EXOC6B: variants seen among roughly 807,000 people sequenced by gnomAD.
The protein encoded by EXOC6B is exocyst complex component 6B, also known as SEC15 homolog B.
In EXOC6B, 54 loss-of-function variants were observed where a neutral mutation model predicts 113.5. The observed-to-expected ratio is 0.48, with a 90% CI of 0.38 to 0.60. The LOEUF (loss-of-function observed/expected upper bound fraction) is 0.60. EXOC6B is among the 20% of genes least tolerant of loss of function. The probability of loss-of-function intolerance (pLI) is 0.00; values close to 1 mark genes in which losing one functional copy is unlikely to be tolerated. For missense variants in EXOC6B, 797 were observed against 977.5 expected, an observed-to-expected ratio of 0.82 and a Z score of 2.46; for synonymous variants, 357 against 339.0, an observed-to-expected ratio of 1.05 and a Z score of -0.58.
intron 6 of EXOC6B, among the ~76,000 whole-genome samples, chr2:72,657,225 C>CTTTTTT (rs70963135): frequency 1.7e-5 from 2 of 120,080 alleles, no homozygotes; most frequent in Non-Finnish European, 3.3e-5. Flanking sequence ...CCACAACTGT[C>CTTTTTT]TTTTTTTTTT....
intron 8 of EXOC6B, among the ~76,000 whole-genome samples, chr2:72,532,021 T>C (rs1038081346): frequency 6.6e-6 from 1 of 152,140 alleles, no homozygotes; most frequent in South Asian, 2.1e-4. Flanking sequence ...AAGAATGCCA[T>C]AGCAGCTTGA....
chr2:72,387,058 T>C (rs1692071727), intron 18 of EXOC6B, among the ~76,000 whole-genome samples: 1 of 152,196 alleles, frequency 6.6e-6, no homozygotes, highest in Non-Finnish European at 1.5e-5. Context: ...AAGACTAGCC[T>C]ACACTGCTGA....
rs200380728 is a variant in EXOC6B at position 72,379,904 on chromosome 2, G to A, written c.1981-34C>T. The A allele has an allele frequency of 2.5e-5, 39 of 1,545,290 alleles. No individual in the cohort carries two copies. In the East Asian group the frequency reaches 7.4e-4, roughly 29 times the overall value. On this transcript the variant is annotated intron_variant, in intron 18 of 21. Transcript: ENST00000272427. Reference sequence around the variant, plus strand: ...CAAGAGTGTAAATCATAAAGTTAATGCATCTAACATAAATTAAAATAAAAT... The same window carrying A: ...CAAGAGTGTAAATCATAAAGTTAATACATCTAACATAAATTAAAATAAAAT...
chr2:72,664,315 T>G (rs909400754), intron 6 of EXOC6B, among the ~76,000 whole-genome samples: 1 of 151,942 alleles, frequency 6.6e-6, no homozygotes, highest in African/African-American at 2.4e-5. Context: ...ATGAAGACAC[T>G]GAGGCTGAAG....
chr2:72,610,030 T>C (rs1430952562), intron 6 of EXOC6B, among the ~76,000 whole-genome samples: 7 of 152,110 alleles, frequency 4.6e-5, no homozygotes, highest in South Asian at 2.1e-4. Flanking sequence ...AAAATAAAGA[T>C]GGAATAAACA....
At chr2:72,543,870 T>A (rs1458358092) in intron 8 of EXOC6B, among the ~76,000 whole-genome samples, 1 of 152,166 alleles carries the variant, frequency 6.6e-6, no homozygotes, top group East Asian at 1.9e-4. Context: ...TCAGACAACC[T>A]GTTAAGTGTC....
At chr2:72,603,952 CT>C (rs1230367105) in intron 6 of EXOC6B, among the ~76,000 whole-genome samples, 1 of 151,948 alleles carries the variant, frequency 6.6e-6, no homozygotes, top group Non-Finnish European at 1.5e-5. Flanking sequence ...CCTTATGGCT[CT>C]TTTATTCCCC....
chr2:72,481,063 T>C (rs1331858231), intron 16 of EXOC6B, among the ~76,000 whole-genome samples: 1 of 152,202 alleles, frequency 6.6e-6, no homozygotes, highest in Non-Finnish European at 1.5e-5. Flanking sequence ...CTCGTGATAG[T>C]GAGTGAGTTC....
intron 6 of EXOC6B, among the ~76,000 whole-genome samples, chr2:72,642,897 T>A (rs1346691181): frequency 6.8e-6 from 1 of 147,342 alleles, no homozygotes; most frequent in Non-Finnish European, 1.5e-5. Flanking sequence ...GAATCTACAA[T>A]GAACTCAAAC....
chr2:72,432,545 G>A (rs1415395475), intron 18 of EXOC6B, among the ~76,000 whole-genome samples: 2 of 152,188 alleles, frequency 1.3e-5, no homozygotes, highest in Non-Finnish European at 1.5e-5. Context: ...CCCACCAGGA[G>A]TGTAAAAGCA....
chr2:72,297,766 G>A (rs1188915753), intron 20 of EXOC6B, among the ~76,000 whole-genome samples: 1 of 152,122 alleles, frequency 6.6e-6, no homozygotes, highest in East Asian at 1.9e-4. Context: ...AGTCATTCAG[G>A]AGCAGGTTGT....
At chr2:72,782,065 G>A (rs901508322) in intron 1 of EXOC6B, among the ~76,000 whole-genome samples, 8 of 150,982 alleles carry the variant, frequency 5.3e-5, no homozygotes, top group East Asian at 1.9e-4. Context: ...ACTTGAACCC[G>A]GGAAACAGAG....
At chr2:72,340,771 C>T (rs139727626) in intron 19 of EXOC6B, among the ~76,000 whole-genome samples, 10 of 152,098 alleles carry the variant, frequency 6.6e-5, no homozygotes, top group East Asian at 1.9e-4. Flanking sequence ...ATTAACATAA[C>T]GGTTTCCTGG....
At chr2:72,232,167 G>A (rs1681665941) in intron 20 of EXOC6B, among the ~76,000 whole-genome samples, 1 of 151,946 alleles carries the variant, frequency 6.6e-6, no homozygotes, top group Admixed American at 6.6e-5. Context: ...TAGAGATGGG[G>A]TTTCAATACG....
chr2:72,818,169 G>A (rs564130401), intron 1 of EXOC6B, among the ~76,000 whole-genome samples: 42 of 151,860 alleles, frequency 2.8e-4, no homozygotes, highest in Admixed American at 2.6e-3. Context: ...CTTTTGAGAC[G>A]AGTCTCGCAC....
intron 18 of EXOC6B, among the ~76,000 whole-genome samples, chr2:72,436,685 T>A (rs1390203375): frequency 1.3e-5 from 2 of 152,132 alleles, no homozygotes; most frequent in Admixed American, 1.3e-4. Context: ...TCCTGCTTGA[T>A]CAATTCGGCT....
At chr2:72,322,008 T>C (rs1687869583) in intron 20 of EXOC6B, among the ~76,000 whole-genome samples, 1 of 152,130 alleles carries the variant, frequency 6.6e-6, no homozygotes, top group Admixed American at 6.5e-5. Flanking sequence ...GTAAAATAGT[T>C]GGACATTTAA....
intron 6 of EXOC6B, among the ~76,000 whole-genome samples, chr2:72,664,551 G>A (rs994330557): frequency 3.3e-5 from 5 of 152,198 alleles, no homozygotes; most frequent in Non-Finnish European, 4.4e-5. Flanking sequence ...TCCAACCTGA[G>A]CAGAGCCCAG....
chr2:72,519,663 T>C (rs1558757050), intron 8 of EXOC6B, among the ~76,000 whole-genome samples: 1 of 152,168 alleles, frequency 6.6e-6, no homozygotes, highest in African/African-American at 2.4e-5. Context: ...GCTCACTCAG[T>C]GTTTCCAGTG....
Sources: allele counts gnomAD v4.1 joint callset (sites outside exome capture counted in the v4.1 genomes callset), GRCh38; gene constraint gnomAD v4.1.1; transcripts MANE v1.5; gene names NCBI Gene and HGNC (gene_info 2026-07-23, HGNC 2026-07-21).